Variants in PCDH15 observed in about 807,000 individuals in gnomAD.
PCDH15 encodes protocadherin related 15, also known as protocadherin-15.
PCDH15 carries 129 observed loss-of-function variants against 178.5 expected under a neutral mutation model. The ratio of observed to expected loss-of-function variants is 0.72; its 90% confidence interval spans 0.63 to 0.84. The LOEUF is 0.84. Among genes scored for constraint, PCDH15 ranks in the 40% least tolerant of loss-of-function variants. The pLI is 0.00. For synonymous variants in PCDH15, 800 were observed against 732.0 expected, an observed-to-expected ratio of 1.09 and a Z score of -1.50; for missense variants, 2,230 against 2,099.9, an observed-to-expected ratio of 1.06 and a Z score of -1.21.
chr10:55,279,599 A>T (rs1407201727), intron 1 of PCDH15, among the ~76,000 whole-genome samples: 7 of 152,172 alleles, frequency 4.6e-5, no homozygotes, highest in Admixed American at 3.3e-4. Context: ...AGAATTTTTT[A>T]ACAAGAAGCC....
At chr10:55,335,908 C>T (rs1224599822) in intron 2 of PCDH15, among the ~76,000 whole-genome samples, 1 of 151,980 alleles carries the variant, frequency 6.6e-6, no homozygotes, top group African/African-American at 2.4e-5. Context: ...TAGACCCTTG[C>T]AAATTTTATG....
intron 8 of PCDH15, among the ~76,000 whole-genome samples, chr10:54,293,666 C>A (rs1161383923): frequency 6.6e-6 from 1 of 152,178 alleles, no homozygotes; most frequent in Non-Finnish European, 1.5e-5. Context: ...AGGCTATGAA[C>A]AGATTCTTCT....
At chr10:55,054,462 A>C (rs933857464) in intron 2 of PCDH15, among the ~76,000 whole-genome samples, 1 of 152,044 alleles carries the variant, frequency 6.6e-6, no homozygotes, top group Non-Finnish European at 1.5e-5. Flanking sequence ...TGTCTTTGCT[A>C]TTGTGAATAG....
chr10:54,770,638 A>G (rs1948988015), intron 1 of PCDH15, among the ~76,000 whole-genome samples: 1 of 152,054 alleles, frequency 6.6e-6, no homozygotes, highest in Non-Finnish European at 1.5e-5. Context: ...CTCCCCTAGT[A>G]TACAAAGTCT....
chr10:54,373,110 T>TA (rs1423499432), intron 4 of PCDH15, among the ~76,000 whole-genome samples: 3 of 152,046 alleles, frequency 2.0e-5, no homozygotes, highest in African/African-American at 7.2e-5. Flanking sequence ...GATTTGTTGA[T>TA]ATTAGCAGTT....
intron 29 of PCDH15, among the ~76,000 whole-genome samples, chr10:53,833,221 T>G (rs1472465169): frequency 6.6e-6 from 1 of 152,042 alleles, no homozygotes; most frequent in Non-Finnish European, 1.5e-5. Context: ...CCCTACAATG[T>G]GGAGTTCAGT....
intron 14 of PCDH15, among the ~76,000 whole-genome samples, chr10:54,152,637 G>T (rs1378301026): frequency 6.6e-6 from 1 of 151,768 alleles, no homozygotes; most frequent in Non-Finnish European, 1.5e-5. Context: ...TTCTCAGGTG[G>T]GAGACTAGAA....
chr10:55,540,913 T>A (rs1385655879), intron 2 of PCDH15, among the ~76,000 whole-genome samples: 1 of 152,090 alleles, frequency 6.6e-6, no homozygotes, highest in African/African-American at 2.4e-5. Flanking sequence ...ATTGCCACCA[T>A]ATATAAAGCT....
intron 29 of PCDH15, among the ~76,000 whole-genome samples, chr10:53,832,701 A>G (rs1283806184): frequency 6.6e-6 from 1 of 152,044 alleles, no homozygotes; most frequent in Non-Finnish European, 1.5e-5. Flanking sequence ...ATGGCCCTAA[A>G]TTTCATTATC....
chr10:54,715,929 G>A (rs967646238), intron 1 of PCDH15, among the ~76,000 whole-genome samples: 1 of 152,006 alleles, frequency 6.6e-6, no homozygotes, highest in African/African-American at 2.4e-5. Flanking sequence ...TGGTACATTG[G>A]TGCTCTCTCT....
At chr10:55,094,001 A>G (rs1472401160) in intron 2 of PCDH15, among the ~76,000 whole-genome samples, 2 of 152,160 alleles carry the variant, frequency 1.3e-5, no homozygotes, top group Admixed American at 6.6e-5. Flanking sequence ...TCAAGGATCT[A>G]GAACTAGAAA....
At chr10:55,462,214 T>C (rs1173273544) in intron 2 of PCDH15, among the ~76,000 whole-genome samples, 3 of 152,164 alleles carry the variant, frequency 2.0e-5, no homozygotes, top group African/African-American at 7.2e-5. Context: ...CTATGACATA[T>C]ATGTTCATGT....
intron 1 of PCDH15, among the ~76,000 whole-genome samples, chr10:55,261,907 G>A (rs758130817): frequency 1.3e-5 from 2 of 151,866 alleles, no homozygotes; most frequent in African/African-American, 2.4e-5. Flanking sequence ...AGGAAAACTT[G>A]GTCCTCAGAA....
At chr10:55,583,750 A>G (rs1427701072) in intron 2 of PCDH15, among the ~76,000 whole-genome samples, 1 of 152,068 alleles carries the variant, frequency 6.6e-6, no homozygotes, top group Admixed American at 6.6e-5. Flanking sequence ...TATGTTATTG[A>G]CACAGAGAAT....
At chr10:54,635,122 A>G (rs1374646750) in intron 2 of PCDH15, among the ~76,000 whole-genome samples, 1 of 150,922 alleles carries the variant, frequency 6.6e-6, no homozygotes, top group Non-Finnish European at 1.5e-5. Flanking sequence ...TACGTGATAT[A>G]TAGTTTTTCT....
intron 2 of PCDH15, among the ~76,000 whole-genome samples, chr10:55,438,543 T>C (rs571847442): frequency 2.0e-5 from 3 of 152,200 alleles, no homozygotes; most frequent in Admixed American, 1.3e-4. Context: ...TTGCCACCAA[T>C]AGTTTTTTCC....
In PCDH15 at chr10:54,798,665, T is replaced by C. The variant is rs760633664; in HGVS notation, c.-29+2260A>G. 8.9e-4 allele frequency among the ~76,000 whole-genome samples: 136 copies of C among 152,194 alleles called. 1 individual carries two copies. Among genetic ancestry groups the C allele is most frequent in the Non-Finnish European group, 1.5e-3 (101 of 67,972 alleles). On this transcript the variant is annotated intron_variant, in intron 1 of 37. Transcript: ENST00000644397. ...TAAAATTAAACTTTTAGATAATAAA[T>C]ATGATCATTTTATGAAGTAGTGTGG...
Position 55,003,108 on chromosome 10 carries a change from A to AT in PCDH15, c.-79-105609dup, listed in dbSNP as rs1043576383. On this transcript the variant is annotated intron_variant, in intron 2 of 5. Transcript: ENST00000458638. ...GTAATGATTATCATTATTATTCTAA[A>AT]TTTTTTATATGCCACAGAAATAACC... Among the ~76,000 whole-genome samples, 231 of 152,188 alleles carry AT rather than the reference A, an allele frequency of 1.5e-3. 1 individual carries two copies. The highest frequency in any genetic ancestry group is 5.2e-3 in the African/African-American group (214 of 41,520).
chr10:54,203,033 T>A (rs893068823), intron 10 of PCDH15, among the ~76,000 whole-genome samples: 5 of 152,112 alleles, frequency 3.3e-5, no homozygotes, highest in African/African-American at 1.2e-4. Flanking sequence ...GGGCTATTGG[T>A]TAGCCCTATT....
Sources: gnomAD v4.1 joint callset for allele counts (sites outside exome capture counted in the v4.1 genomes callset) on GRCh38, gnomAD v4.1.1 for gene constraint, MANE v1.5 for transcripts, NCBI Gene and HGNC (gene_info 2026-07-23, HGNC 2026-07-21) for gene names.